The following GIGYF2 variants were observed in gnomAD, a reference collection of about 807,000 sequenced individuals.
The protein encoded by GIGYF2 is GRB10 interacting GYF protein 2, also known as GRB10-interacting GYF protein 2.
Under a neutral mutation model 208.1 loss-of-function variants are expected in GIGYF2, and 25 were observed. That is an observed-to-expected ratio of 0.12 (90% CI 0.09 to 0.17). The LOEUF is 0.17. Among genes scored for constraint, GIGYF2 ranks in the 10% least tolerant of loss-of-function variants. GIGYF2 has a pLI of 1.00. For synonymous variants in GIGYF2, 534 were observed against 543.8 expected, an observed-to-expected ratio of 0.98 and a Z score of 0.25; for missense variants, 1,302 against 1,579.4, an observed-to-expected ratio of 0.82 and a Z score of 2.98.
At chr2:232,723,272 C>G (rs1460515311) in intron 2 of GIGYF2, among the ~76,000 whole-genome samples, 1 of 152,138 alleles carries the variant, frequency 6.6e-6, no homozygotes, top group Non-Finnish European at 1.5e-5. Flanking sequence ...TTCCTGCCTT[C>G]TCAGAGATTT....
chr2:232,739,384 A>G (rs991161585), intron 3 of GIGYF2, among the ~76,000 whole-genome samples: 1 of 138,524 alleles, frequency 7.2e-6, no homozygotes, highest in South Asian at 2.7e-4. Context: ...CGCAAAAAAA[A>G]AGAAAAGGGT....
intron 1 of GIGYF2, among the ~76,000 whole-genome samples, chr2:232,701,410 G>T (rs187741244): frequency 1.7e-4 from 26 of 150,056 alleles, no homozygotes; most frequent in Non-Finnish European, 3.4e-4. Context: ...GCACCGCTGC[G>T]CTCCAGCCTA....
In GIGYF2 at chr2:232,858,896, A is replaced by G. The variant is rs1690672280; in HGVS notation, c.*2036A>G. 2 of 231,728 alleles carry G rather than the reference A, an allele frequency of 8.6e-6. No individual in the cohort carries two copies. The highest frequency in any genetic ancestry group is 5.3e-5 in the Admixed American group (1 of 19,012). The allele number at this position is 231,728 out of a possible 1,614,324, so 14.4% of individuals were successfully genotyped here. On this transcript the variant is annotated 3_prime_UTR_variant, in exon 29 of 29. Transcript: ENST00000373563. ...CAGCTCCTGCCCTCATACCGCAGAC[A>G]CACCCACTCTGAACACACCCCTCCA...
chr2:232,841,384 C>A (rs909607234), intron 23 of GIGYF2, among the ~76,000 whole-genome samples: 19 of 152,070 alleles, frequency 1.2e-4, no homozygotes, highest in African/African-American at 4.3e-4. Flanking sequence ...CAGCCTCCAC[C>A]TCCTGAGTTC....
intron 21 of GIGYF2, among the ~76,000 whole-genome samples, chr2:232,829,831 A>G (rs1014598696): frequency 2.0e-5 from 3 of 152,230 alleles, no homozygotes; most frequent in Non-Finnish European, 2.9e-5. Flanking sequence ...TAGGCAAAAC[A>G]TAAATAAAAA....
At chr2:232,784,386 C>CTTTTTTTTTTT (rs10645449) in intron 8 of GIGYF2, among the ~76,000 whole-genome samples, 1,258 of 92,270 alleles carry the variant, frequency 0.014, 157 homozygotes, top group Non-Finnish European at 0.02. Flanking sequence ...GAAATAATTT[C>CTTTTTTTTTTT]TTTTTTTTTT....
chr2:232,823,363 C>CTT (rs368386641), intron 21 of GIGYF2, among the ~76,000 whole-genome samples: 875 of 83,598 alleles, frequency 0.01, 48 homozygotes, highest in African/African-American at 0.037. Context: ...TCCTTTCTTT[C>CTT]TTTCTTTTTT....
intron 5 of GIGYF2, among the ~76,000 whole-genome samples, chr2:232,750,990 TG>T (rs974207465): frequency 6.6e-6 from 1 of 152,006 alleles, no homozygotes; most frequent in Non-Finnish European, 1.5e-5. Context: ...CCACTGCATT[TG>T]GCTAGTTTCG....
chr2:232,740,298 C>CA (rs57010750), intron 3 of GIGYF2, among the ~76,000 whole-genome samples: 1 of 151,684 alleles, frequency 6.6e-6, no homozygotes, highest in African/African-American at 2.4e-5. Flanking sequence ...TCTTTAGAAA[C>CA]AAAAAACAAA....
intron 3 of GIGYF2, among the ~76,000 whole-genome samples, chr2:232,740,687 T>TA (rs1697938089): frequency 6.6e-6 from 1 of 152,200 alleles, no homozygotes; most frequent in Non-Finnish European, 1.5e-5. Context: ...CTAATTTAGT[T>TA]AATAAATGAA....
intron 22 of GIGYF2, among the ~76,000 whole-genome samples, chr2:232,836,139 G>T (rs1701582706): frequency 6.7e-6 from 1 of 149,884 alleles, no homozygotes; most frequent in South Asian, 2.1e-4. Context: ...GGTTAAAATT[G>T]TCCTGGGCTG....
chr2:232,702,571 A>G (rs1171622822), intron 1 of GIGYF2, among the ~76,000 whole-genome samples: 1 of 152,184 alleles, frequency 6.6e-6, no homozygotes, highest in Non-Finnish European at 1.5e-5. Flanking sequence ...ATTTTAGCCA[A>G]GAAACTATTT....
intron 20 of GIGYF2, among the ~76,000 whole-genome samples, 184 bp from the exon 21 acceptor site, chr2:232,819,643 G>A (rs1278364989): frequency 6.6e-6 from 1 of 151,986 alleles, no homozygotes; most frequent in Non-Finnish European, 1.5e-5. Flanking sequence ...TCTTTTCATT[G>A]TAATGCGTCC....
chr2:232,768,803 C>T, intron 8 of GIGYF2: 1 of 1,604,340 alleles, frequency 6.2e-7, no homozygotes, highest in African/African-American at 1.3e-5. Flanking sequence ...CAATCTTCGC[C>T]ACAAAAGCAC....
chr2:232,770,647 A>G (rs1355743794), intron 8 of GIGYF2, among the ~76,000 whole-genome samples: 1 of 151,854 alleles, frequency 6.6e-6, no homozygotes. Flanking sequence ...GCAATTTAGT[A>G]TCATACTGAT....
rs760481285 is a variant in GIGYF2 at position 232,747,633 on chromosome 2, T to C, written c.60T>C (p.Ser20=). 1.9e-6 allele frequency: 3 copies of C among 1,613,976 alleles called. No homozygotes were observed. The highest frequency in any genetic ancestry group is 2.2e-5 in the East Asian group (1 of 44,870). Residue 20 remains serine, a synonymous_variant, in exon 4 of 29, where the codon AGT becomes AGC. Coordinates refer to ENST00000373563, the MANE Select transcript of GIGYF2 (RefSeq NM_001103146.3). ...FGPEWLRALS[S]GGSITSPPLS... is the part of the protein sequence containing the mutation. ...ATTCTAGGCTCCGAGCTCTGTCCAG[T>C]GGTGGGAGTATTACATCCCCTCCTC...
chr2:232,794,472 A>G (rs1017055609), intron 12 of GIGYF2, among the ~76,000 whole-genome samples: 7 of 152,214 alleles, frequency 4.6e-5, no homozygotes, highest in Non-Finnish European at 1.0e-4. Flanking sequence ...TAAGAGGTCA[A>G]CCTGTAACTG....
At chr2:232,809,667 G>T in intron 15 of GIGYF2, 53 bp from the exon 16 acceptor site, 2 of 1,036,710 alleles carry the variant, frequency 1.9e-6, no homozygotes, top group South Asian at 1.3e-5. Flanking sequence ...GTGGCTTTTA[G>T]GTTCTTTGCA....
chr2:232,704,370 A>G (rs1360194496), intron 2 of GIGYF2, among the ~76,000 whole-genome samples: 2 of 152,190 alleles, frequency 1.3e-5, no homozygotes, highest in Non-Finnish European at 2.9e-5. Context: ...GGTCTCACCA[A>G]GCATTCTTGT....
Sources: gnomAD v4.1 joint callset for allele counts (sites outside exome capture counted in the v4.1 genomes callset) on GRCh38, gnomAD v4.1.1 for gene constraint, MANE v1.5 for transcripts, NCBI Gene and HGNC (gene_info 2026-07-23, HGNC 2026-07-21) for gene names.